GRIK4: variants seen among roughly 807,000 people sequenced by gnomAD.
The protein encoded by GRIK4 is glutamate receptor ionotropic, kainate 4.
Under a neutral mutation model 104.9 loss-of-function variants are expected in GRIK4, and 40 were observed. That is an observed-to-expected ratio of 0.38 (90% confidence interval 0.30 to 0.50). The LOEUF (loss-of-function observed/expected upper bound fraction) is 0.50, where lower values mean the gene tolerates loss of function less well. GRIK4 is among the 20% of genes least tolerant of loss of function. The pLI is 0.93. For missense variants in GRIK4, 1,047 were observed against 1,308.1 expected (o/e 0.80, Z 3.08); for synonymous variants, 485 against 524.9 (o/e 0.92, Z 1.04).
At chr11:120,672,430 A>G (rs1950035086) in intron 3 of GRIK4, among the ~76,000 whole-genome samples, 1 of 152,164 alleles carries the variant, frequency 6.6e-6, no homozygotes, top group Non-Finnish European at 1.5e-5. Context: ...AAAAAAATAG[A>G]AAAAAGAAAT....
chr11:120,786,281 C>T (rs1468021119), intron 3 of GRIK4, among the ~76,000 whole-genome samples: 2 of 152,178 alleles, frequency 1.3e-5, no homozygotes, highest in Non-Finnish European at 2.9e-5. Context: ...CTTCTAAAAC[C>T]ATACATGTCC....
chr11:120,834,822 A>G (rs183541542), intron 7 of GRIK4, among the ~76,000 whole-genome samples: 5 of 152,344 alleles, frequency 3.3e-5, no homozygotes, highest in Admixed American at 2.0e-4. Context: ...CTTGTCTTTT[A>G]TCTCTAGGAC....
At chr11:120,609,516 CTTTTTTTTTTTTTTTTTT>C (rs58736481) in intron 1 of GRIK4, among the ~76,000 whole-genome samples, 1 of 57,130 alleles carries the variant, frequency 1.8e-5, no homozygotes, top group Non-Finnish European at 3.0e-5. Context: ...TTTGCAGTTG[CTTTTTTTTTTTTTTTTTT>C]TTTTTTTTTT....
intron 3 of GRIK4, among the ~76,000 whole-genome samples, chr11:120,684,390 CGGTT>C (rs1176811752): frequency 6.6e-6 from 1 of 152,152 alleles, no homozygotes; most frequent in Non-Finnish European, 1.5e-5. Context: ...AATTGATGGT[CGGTT>C]GGCCCATTCA....
chr11:120,525,433 G>A (rs1024512470), intron 1 of GRIK4, among the ~76,000 whole-genome samples: 1 of 152,120 alleles, frequency 6.6e-6, no homozygotes, highest in Non-Finnish European at 1.5e-5. Context: ...ACCTAATGCA[G>A]TGCCCATTCC....
At chr11:120,728,690 T>C (rs1951074674) in intron 3 of GRIK4, among the ~76,000 whole-genome samples, 1 of 152,212 alleles carries the variant, frequency 6.6e-6, no homozygotes, top group Non-Finnish European at 1.5e-5. Context: ...AGGCATACAA[T>C]GTATAATAAT....
intron 1 of GRIK4, among the ~76,000 whole-genome samples, chr11:120,625,295 T>A (rs944814282): frequency 1.3e-5 from 2 of 151,432 alleles, no homozygotes; most frequent in South Asian, 4.2e-4. Flanking sequence ...GTCAAGGCAG[T>A]AAGGAAAGAG....
chr11:120,622,190 C>T (rs752919436), intron 1 of GRIK4, among the ~76,000 whole-genome samples: 8 of 151,450 alleles, frequency 5.3e-5, no homozygotes, highest in Non-Finnish European at 1.0e-4. Flanking sequence ...CGTGAAGCAC[C>T]GCCCCCGGCC....
chr11:120,798,449 A>G (rs1005866966), intron 3 of GRIK4, among the ~76,000 whole-genome samples: 1 of 151,804 alleles, frequency 6.6e-6, no homozygotes, highest in Non-Finnish European at 1.5e-5. Flanking sequence ...GGTGTGAGCC[A>G]CTATGCCAGG....
At chr11:120,805,681 A>G (rs1397568172) in intron 4 of GRIK4, among the ~76,000 whole-genome samples, 3 of 152,190 alleles carry the variant, frequency 2.0e-5, no homozygotes, top group African/African-American at 7.2e-5. Context: ...GTGCCCCTCC[A>G]CAGTGGGTTT....
chr11:120,744,079 G>A (rs543065265), intron 3 of GRIK4, among the ~76,000 whole-genome samples: 22 of 152,230 alleles, frequency 1.4e-4, no homozygotes, highest in African/African-American at 2.2e-4. Flanking sequence ...TAATTCTCCC[G>A]GCACCCCGGT....
At chr11:120,515,828 G>T (rs1947718866) in intron 1 of GRIK4, among the ~76,000 whole-genome samples, 1 of 152,166 alleles carries the variant, frequency 6.6e-6, no homozygotes, top group Non-Finnish European at 1.5e-5. Flanking sequence ...TTGCAGGCTG[G>T]GTAAATTATG....
intron 1 of GRIK4, among the ~76,000 whole-genome samples, chr11:120,516,423 C>A (rs966468922): frequency 1.3e-5 from 2 of 151,902 alleles, no homozygotes; most frequent in African/African-American, 4.8e-5. Context: ...GGGCACAGGA[C>A]GAGGCAAGTG....
chr11:120,977,262 A>G (rs1302295507), intron 19 of GRIK4, among the ~76,000 whole-genome samples: 1 of 152,170 alleles, frequency 6.6e-6, no homozygotes, highest in African/African-American at 2.4e-5. Context: ...TTGTAAAGCC[A>G]TCTGCCTGCA....
chr11:120,632,217 A>T lies in GRIK4; in HGVS notation c.-158-21468A>T, dbSNP rs139422271. 8.1e-3 allele frequency among the ~76,000 whole-genome samples: 1,234 copies of T among 152,192 alleles called. 10 individuals are homozygous for T. The highest frequency in any genetic ancestry group is 0.014 in the Non-Finnish European group (985 of 68,002). The stretch of plus-strand genomic sequence containing the variant: ...CTCTCTTTCCACCATGTGAAGATAC[A>T]AGAAGCTGGCCATCTGCAACCTGGA... On this transcript the variant is annotated intron_variant, in intron 1 of 20. Transcript: ENST00000527524.
chr11:120,817,527 AT>A (rs139022026), intron 5 of GRIK4, among the ~76,000 whole-genome samples: 7,885 of 152,272 alleles, frequency 0.052, 684 homozygotes, highest in African/African-American at 0.18. Context: ...CCAGGAGTCC[AT>A]TGCTTTAAAT....
intron 1 of GRIK4, among the ~76,000 whole-genome samples, chr11:120,585,452 G>A (rs1329489538): frequency 6.6e-6 from 1 of 151,758 alleles, no homozygotes; most frequent in African/African-American, 2.4e-5. Flanking sequence ...TGGTTCAAGC[G>A]ATTCTGGTGC....
chr11:120,611,224 T>C (rs1159993462), intron 1 of GRIK4, among the ~76,000 whole-genome samples: 2 of 152,312 alleles, frequency 1.3e-5, no homozygotes, highest in South Asian at 2.1e-4. Context: ...AAGTGTGGAA[T>C]AGCGGATAGG....
chr11:120,673,495 A>T (rs1950053541), intron 3 of GRIK4, among the ~76,000 whole-genome samples: 1 of 152,136 alleles, frequency 6.6e-6, no homozygotes, highest in Non-Finnish European at 1.5e-5. Context: ...TCCTATTTGG[A>T]GGAAGCCCAA....
Sources: gnomAD v4.1 joint callset for allele counts (sites outside exome capture counted in the v4.1 genomes callset) on GRCh38, gnomAD v4.1.1 for gene constraint, MANE v1.5 for transcripts, NCBI Gene and HGNC (gene_info 2026-07-23, HGNC 2026-07-21) for gene names.